Variants in RAI1 observed in about 807,000 individuals in gnomAD.
RAI1 encodes retinoic acid induced 1.
RAI1 carries 9 observed loss-of-function variants against 123.8 expected under a neutral mutation model. The observed-to-expected ratio is 0.07, with a 90% CI of 0.04 to 0.13. The LOEUF is 0.13. Ranked by LOEUF, RAI1 falls within the 10% of genes least tolerant of loss-of-function variation. The probability of loss-of-function intolerance (pLI) is 1.00; values close to 1 mark genes in which losing one functional copy is unlikely to be tolerated. For synonymous variants in RAI1, 1,231 were observed against 1,127.3 expected, an observed-to-expected ratio of 1.09 and a Z score of -1.84; for missense variants, 2,256 against 2,545.8, an observed-to-expected ratio of 0.89 and a Z score of 2.45.
rs8067439 is a variant in RAI1, at chr17:17,794,940, G to A, written c.1992G>A (p.Pro664=). The A allele has an allele frequency of 0.59, 947,896 of 1,613,474 alleles. 291,042 individuals carry two copies. Among genetic ancestry groups the A allele is most frequent in the Non-Finnish European group, 0.64 (755,516 of 1,179,962 alleles). ...GTGCGTGGCCCCGGCCTGGGGAGCC[G>A]GAGGCCCTGCCCGACTCCTTGCAGC... is the stretch of plus-strand genomic sequence containing the variant. ...AKSAWPRPGE[P]EALPDSLQLD... Residue 664 remains proline, a synonymous_variant, in exon 3 of 6, where the codon CCG becomes CCA. Coordinates refer to ENST00000353383, the MANE Select transcript of RAI1 (RefSeq NM_030665.4).
chr17:17,729,164 G>A (rs7224739), intron 2 of RAI1, among the ~76,000 whole-genome samples: 50,446 of 152,112 alleles, frequency 0.33, 9,248 homozygotes, highest in Middle Eastern at 0.44. Flanking sequence ...CAGGTGCCCC[G>A]TGAGGCTCAA....
At chr17:17,688,350 G>C (rs554270169) in intron 1 of RAI1, among the ~76,000 whole-genome samples, 2 of 152,016 alleles carry the variant, frequency 1.3e-5, no homozygotes, top group Non-Finnish European at 2.9e-5. Flanking sequence ...CAGGCGTAGT[G>C]TCACATGCCT....
chr17:17,757,656 G>A (rs955400758), intron 2 of RAI1, among the ~76,000 whole-genome samples: 1 of 152,172 alleles, frequency 6.6e-6, no homozygotes, highest in African/African-American at 2.4e-5. Context: ...CAGCTAAGCA[G>A]AAGGGAAGTT....
At chr17:17,790,096 C>A (rs2031959018) in intron 2 of RAI1, among the ~76,000 whole-genome samples, 1 of 152,186 alleles carries the variant, frequency 6.6e-6, no homozygotes, top group South Asian at 2.1e-4. Flanking sequence ...CCAACCCAGC[C>A]CAGCCCTGCT....
Position 17,809,962 on chromosome 17 carries a change from T to C in RAI1, c.5710-8T>C. The C allele has an allele frequency of 6.4e-7, 1 of 1,556,542 alleles. No individual in the cohort carries two copies. The highest frequency in any genetic ancestry group is 8.7e-7 in the Non-Finnish European group (1 of 1,152,130). Reference sequence around the variant, plus strand: ...CGTCGGTAACTGGCGGGCGGGCGTCTTTTGCAGAGGCTGCCGTAGTAATCC... The same window carrying C: ...CGTCGGTAACTGGCGGGCGGGCGTCCTTTGCAGAGGCTGCCGTAGTAATCC... On this transcript the variant is annotated splice_polypyrimidine_tract_variant and splice_region_variant and intron_variant, in intron 5 of 5. Coordinates refer to ENST00000353383, the MANE Select transcript of RAI1 (RefSeq NM_030665.4). This position sits in a 1 kb window ranked among gnomAD's most constrained non-coding sequence, Gnocchi z 4.9.
chr17:17,732,271 G>A (rs1394540087), intron 2 of RAI1, among the ~76,000 whole-genome samples: 2 of 152,204 alleles, frequency 1.3e-5, no homozygotes, highest in African/African-American at 4.8e-5. Flanking sequence ...TTACTGAGAA[G>A]AAGGCACTGC....
intron 1 of RAI1, among the ~76,000 whole-genome samples, chr17:17,711,045 G>C (rs1193675779): frequency 6.6e-6 from 1 of 152,232 alleles, no homozygotes; most frequent in Non-Finnish European, 1.5e-5. Flanking sequence ...TTTGGAGAAT[G>C]ACTCACAGGA....
chr17:17,803,925 TC>T, intron 4 of RAI1, 76 bp downstream of exon 4: 1 of 1,381,084 alleles, frequency 7.2e-7, no homozygotes, highest in Non-Finnish European at 1.0e-6. Context: ...TGGGCACAGC[TC>T]CCCAAACCCA....
chr17:17,688,522 G>T (rs1288399022), intron 1 of RAI1, among the ~76,000 whole-genome samples: 1 of 152,022 alleles, frequency 6.6e-6, no homozygotes, highest in Non-Finnish European at 1.5e-5. Context: ...ATAGTAACAG[G>T]CCCCTCCTGG....
At chr17:17,701,085 C>A (rs1452382370) in intron 1 of RAI1, among the ~76,000 whole-genome samples, 1 of 152,114 alleles carries the variant, frequency 6.6e-6, no homozygotes, top group Non-Finnish European at 1.5e-5. Flanking sequence ...GAAACCCACC[C>A]CTGCGCCTCC....
intron 1 of RAI1, chr17:17,684,677 T>TGC (rs1474421507): frequency 2.7e-5 from 1 of 36,970 alleles, no homozygotes; most frequent in Non-Finnish European, 8.5e-5. Context: ...AATGCATATA[T>TGC]ATATATATAT....
intron 1 of RAI1, among the ~76,000 whole-genome samples, chr17:17,708,582 C>T (rs148621872): frequency 1.3e-5 from 2 of 152,210 alleles, no homozygotes; most frequent in African/African-American, 4.8e-5. Context: ...CTAGGGACTC[C>T]ATTCTAGAAT....
At chr17:17,766,984 G>A (rs2142993978) in intron 2 of RAI1, among the ~76,000 whole-genome samples, 1 of 152,156 alleles carries the variant, frequency 6.6e-6, no homozygotes, top group African/African-American at 2.4e-5. Flanking sequence ...TGGGAGGGGA[G>A]GGCGGAGTGG....
In RAI1 at chr17:17,681,702, C is replaced by G; in HGVS notation, c.-240C>G. ...CTGCCTGGCCGCGGGCCGGCCGGGC[C>G]GCCGCGCCCCGACCCCCATGGCCAC... is the stretch of plus-strand genomic sequence containing the variant. On this transcript the variant is annotated 5_prime_UTR_variant, in exon 1 of 6. Transcript: ENST00000353383. 1 of 302,494 alleles carries G rather than the reference C, an allele frequency of 3.3e-6. No individual in the cohort carries two copies. The highest frequency in any genetic ancestry group is 6.1e-6 in the Non-Finnish European group (1 of 164,414). 18.7% of individuals were successfully genotyped at this position (302,494 alleles called of 1,614,324 possible).
chr17:17,798,353 G>T lies in RAI1; in HGVS notation c.5405G>T (p.Gly1802Val). ...GGEEAAPADK[G>V]RKHECSKEAP... ...GAGGAGGCAGCCCCAGCCGACAAGGGTCGCAAACATGAGTGCAGCAAGGAG... is the reference window on the plus strand; with the variant it reads ...GAGGAGGCAGCCCCAGCCGACAAGGTTCGCAAACATGAGTGCAGCAAGGAG... The change falls in exon 3 of 6, where the codon GGT becomes GTT. Residue 1802 changes from glycine (G) to valine (V), a missense_variant. Physicochemically the swap from Gly to Val is moderately radical, Grantham distance 109 (BLOSUM62 -3). This residue lies in a region of RAI1 where 243 missense variants were observed against 316.6 expected (regional missense o/e 0.77). Coordinates refer to ENST00000353383, the MANE Select transcript of RAI1 (RefSeq NM_030665.4). 3 of 1,606,030 alleles carry T rather than the reference G, an allele frequency of 1.9e-6. No homozygotes were observed. The highest frequency in any genetic ancestry group is 2.6e-6 in the Non-Finnish European group (3 of 1,176,366).
rs145554921 is a variant in RAI1 at position 17,799,441 on chromosome 17, G to C, written c.5565+928G>C. Among the ~76,000 whole-genome samples, 4 of 152,112 alleles carry C rather than the reference G, an allele frequency of 2.6e-5. No homozygotes were observed. The highest frequency in any genetic ancestry group is 6.5e-5 in the Admixed American group (1 of 15,268). The stretch of plus-strand genomic sequence containing the variant: ...GCCCTTCTGAGGGAGGGGTCAGTGG[G>C]GGCGGTGGGGTGCACCTCTCCCCCG... On this transcript the variant is annotated intron_variant, in intron 3 of 5. Transcript: ENST00000353383. This position sits in a 1 kb window ranked among gnomAD's most constrained non-coding sequence, Gnocchi z 4.5.
chr17:17,700,560 C>A (rs948735727), intron 1 of RAI1, among the ~76,000 whole-genome samples: 1 of 152,102 alleles, frequency 6.6e-6, no homozygotes, highest in Non-Finnish European at 1.5e-5. Flanking sequence ...GAGGCGCGGC[C>A]GGCCGCGGAA....
chr17:17,724,652 C>A (rs1916017406), intron 2 of RAI1, among the ~76,000 whole-genome samples: 1 of 152,150 alleles, frequency 6.6e-6, no homozygotes, highest in African/African-American at 2.4e-5. Context: ...GGAGGGCGAT[C>A]CGCGCGTCCG....
intron 2 of RAI1, among the ~76,000 whole-genome samples, chr17:17,730,848 G>A (rs116070115): frequency 2.1e-3 from 320 of 152,350 alleles, no homozygotes; most frequent in African/African-American, 7.1e-3. Context: ...AGTGTGGCAC[G>A]GGGCGGAGAG....
Sources: allele counts gnomAD v4.1 joint callset (sites outside exome capture counted in the v4.1 genomes callset), GRCh38; gene constraint gnomAD v4.1.1; regional missense constraint gnomAD v4.1.1; non-coding constraint Gnocchi (gnomAD v3.1); transcripts MANE v1.5; gene names NCBI Gene and HGNC (gene_info 2026-07-23, HGNC 2026-07-21).